The following GRB14 variants were observed in gnomAD, a reference collection of about 807,000 sequenced individuals.
GRB14 encodes growth factor receptor-bound protein 14.
GRB14 carries 38 observed loss-of-function variants against 69.1 expected under a neutral mutation model. The observed-to-expected ratio is 0.55, with a 90% CI of 0.42 to 0.72. The LOEUF (loss-of-function observed/expected upper bound fraction) is 0.72. Ranked by LOEUF, GRB14 falls within the 30% of genes least tolerant of loss-of-function variation. GRB14 has a pLI of 0.00. For synonymous variants in GRB14, 247 were observed against 241.3 expected (o/e 1.02, Z -0.22); for missense variants, 666 against 666.1 (o/e 1.00, Z 0.00).
intron 3 of GRB14, among the ~76,000 whole-genome samples, chr2:164,527,399 A>G (rs1687810657): frequency 1.3e-5 from 2 of 151,618 alleles, no homozygotes; most frequent in Non-Finnish European, 1.5e-5. Flanking sequence ...TGTATAAAAT[A>G]TCATAATGTA....
intron 2 of GRB14, 149 bp from the exon 3 acceptor site, chr2:164,547,965 A>G: frequency 3.7e-6 from 2 of 541,650 alleles, no homozygotes; most frequent in Non-Finnish European, 6.2e-6. Context: ...ACAAATTAAC[A>G]TGTCTATCAC....
At chr2:164,585,085 CTTTTTTTTTTTTTTTTTTTTTTTTTTTT>C (rs146962375) in intron 2 of GRB14, among the ~76,000 whole-genome samples, 5 of 54,386 alleles carry the variant, frequency 9.2e-5, no homozygotes, top group East Asian at 6.5e-4. Flanking sequence ...CCATGCCTGG[CTTTTTTTTTTTTTTTTTTTTTTTTTTTT>C]TTTTTTTTTT....
chr2:164,572,998 C>G (rs757309259), intron 2 of GRB14, among the ~76,000 whole-genome samples: 8 of 152,198 alleles, frequency 5.3e-5, no homozygotes, highest in Non-Finnish European at 7.4e-5. Context: ...CATCATCTCT[C>G]TCAAAGACAT....
At position 164,492,992 on chromosome 2, in the gene GRB14, G is replaced by T; in HGVS notation, c.*44C>A. The T allele has an allele frequency of 4.6e-6, 7 of 1,531,562 alleles. No individual in the cohort carries two copies. The highest frequency in any genetic ancestry group is 2.5e-5 in the South Asian group (2 of 79,938). 94.9% of individuals were successfully genotyped at this position (1,531,562 alleles called of 1,614,324 possible). ...TTTATGGTCTTTTATTATTTTTCTTGAGTCCTTTTCCTTCAATAGTTTAAT... is the reference window on the plus strand; with the variant it reads ...TTTATGGTCTTTTATTATTTTTCTTTAGTCCTTTTCCTTCAATAGTTTAAT... On this transcript the variant is annotated 3_prime_UTR_variant, in exon 14 of 14. Coordinates refer to ENST00000263915, the MANE Select transcript of GRB14 (RefSeq NM_004490.3).
intron 2 of GRB14, among the ~76,000 whole-genome samples, chr2:164,577,770 G>C (rs970345043): frequency 3.3e-5 from 5 of 152,144 alleles, no homozygotes; most frequent in Admixed American, 6.5e-5. Context: ...AGATGCCACT[G>C]AAAATCAATA....
chr2:164,580,525 T>C (rs1439638109), intron 2 of GRB14, among the ~76,000 whole-genome samples: 1 of 151,848 alleles, frequency 6.6e-6, no homozygotes, highest in Non-Finnish European at 1.5e-5. Context: ...GGCAACATGG[T>C]GAAATCCCAT....
Position 164,621,153 on chromosome 2 carries a change from G to C in GRB14, c.157C>G (p.Leu53Val). 1.6e-6 allele frequency: 2 copies of C among 1,245,200 alleles called. No homozygotes were observed. Among genetic ancestry groups the C allele is most frequent in the Non-Finnish European group, 2.0e-6 (2 of 987,964 alleles). 77.1% of individuals were successfully genotyped at this position (1,245,200 alleles called of 1,614,324 possible). A position where few individuals can be genotyped will look rare whatever the true frequency, so the allele number is the denominator to read the frequency against. The change falls in exon 1 of 14, where the codon CTT (leucine) becomes GTT (valine). Residue 53 changes from leucine to valine, a missense_variant. Transcript: ENST00000263915. The surrounding 1 kb of genome is among the most constrained non-coding windows in gnomAD (Gnocchi z 6.0). ...GCACAGCCGCGGGTCCCGTCCGGAA[G>C]GGGCAGGAGCGCTCGCGCGTGCAGC... is the stretch of plus-strand genomic sequence containing the variant. ...PWLHARALLP[L>V]PDGTRGCAAD... is the part of the protein sequence containing the mutation.
chr2:164,613,297 C>T (rs1690209099), intron 2 of GRB14, among the ~76,000 whole-genome samples: 1 of 152,098 alleles, frequency 6.6e-6, no homozygotes, highest in African/African-American at 2.4e-5. Flanking sequence ...AGGACACTAG[C>T]TGCCCCTAGG....
rs575548703 is a variant in GRB14, at chr2:164,494,541, A to T, written c.1383-17T>A. 62 of 1,219,272 alleles carry T rather than the reference A, an allele frequency of 5.1e-5. No homozygotes were observed. In the South Asian group the frequency reaches 7.0e-4, roughly 14 times the overall value. The allele number at this position is 1,219,272 out of a possible 1,614,324, so 75.5% of individuals were successfully genotyped here. A position where few individuals can be genotyped will look rare whatever the true frequency, so the allele number is the denominator to read the frequency against. On this transcript the variant is annotated splice_polypyrimidine_tract_variant and intron_variant, in intron 12 of 13. Transcript: ENST00000263915. ...AAGAAAACTCTAAAGAGAGAGAAGG[A>T]ATTTCAATGTTTCTATATTTACTCA...
intron 2 of GRB14, among the ~76,000 whole-genome samples, chr2:164,554,101 T>C (rs1255996565): frequency 6.6e-6 from 1 of 152,098 alleles, no homozygotes; most frequent in African/African-American, 2.4e-5. Context: ...ACTGCATGAC[T>C]ATATGGGTTA....
At chr2:164,536,680 C>T (rs1459171314) in intron 3 of GRB14, among the ~76,000 whole-genome samples, 1 of 152,118 alleles carries the variant, frequency 6.6e-6, no homozygotes, top group Admixed American at 6.5e-5. Context: ...CCACATCAGT[C>T]TTCAAAGGAA....
chr2:164,525,026 AT>A lies in GRB14; in HGVS notation c.655del (p.Ile219TyrfsTer11). On this transcript the variant is annotated frameshift_variant, in exon 5 of 14. Coordinates refer to ENST00000263915, the MANE Select transcript of GRB14 (RefSeq NM_004490.3). LOFTEE classifies it high-confidence loss of function. The stretch of plus-strand genomic sequence containing the variant: ...TACCTGCAAAATCTGTGTGGGGGAT[AT>A]TTCACCATTGGTTTCAGTTGCAAAA... ...VSFATETNGE[I>X]SPTQILQMFL... The A allele has an allele frequency of 6.3e-7, 1 of 1,588,092 alleles. No homozygotes were observed. Among genetic ancestry groups the A allele is most frequent in the Non-Finnish European group, 8.6e-7 (1 of 1,162,934 alleles).
rs370320589 is a variant in GRB14, at chr2:164,547,648, C to A, written c.481+12G>T. Reference sequence around the variant, plus strand: ...AAAGCAATGATGTGAGACAATAACTCCGTATCCTTACCTACACCTATGTGA... The same window carrying A: ...AAAGCAATGATGTGAGACAATAACTACGTATCCTTACCTACACCTATGTGA... On this transcript the variant is annotated intron_variant, in intron 3 of 13. Coordinates refer to ENST00000263915, the MANE Select transcript of GRB14 (RefSeq NM_004490.3). 1.9e-6 allele frequency: 3 copies of A among 1,606,830 alleles called. No homozygotes were observed. In the African/African-American group the frequency reaches 4.0e-5, roughly 21 times the overall value.
intron 2 of GRB14, among the ~76,000 whole-genome samples, chr2:164,585,660 A>G (rs1689521472): frequency 6.6e-6 from 1 of 152,200 alleles, no homozygotes; most frequent in African/African-American, 2.4e-5. Flanking sequence ...ATATCAAAAC[A>G]TCACATTGTA....
chr2:164,506,974 G>A (rs1309933152), intron 8 of GRB14, among the ~76,000 whole-genome samples: 1 of 152,116 alleles, frequency 6.6e-6, no homozygotes, highest in Non-Finnish European at 1.5e-5. Context: ...TGTGGGAGTA[G>A]CTGCTTAATG....
At chr2:164,546,668 T>C (rs1688384549) in intron 3 of GRB14, among the ~76,000 whole-genome samples, 2 of 152,196 alleles carry the variant, frequency 1.3e-5, no homozygotes, top group Admixed American at 1.3e-4. Context: ...AGACAACCTC[T>C]TACCCCATCT....
intron 2 of GRB14, among the ~76,000 whole-genome samples, chr2:164,552,304 A>G (rs962445797): frequency 6.6e-6 from 1 of 152,238 alleles, no homozygotes; most frequent in African/African-American, 2.4e-5. Flanking sequence ...ATTGTATCAC[A>G]GGAACCTACC....
At chr2:164,513,182 C>T (rs927492530) in intron 6 of GRB14, among the ~76,000 whole-genome samples, 1 of 152,072 alleles carries the variant, frequency 6.6e-6, no homozygotes, top group African/African-American at 2.4e-5. Context: ...CTCTTTCACT[C>T]TCTGTCTCCT....
At chr2:164,547,580 T>C in intron 3 of GRB14, 80 bp downstream of exon 3, 3 of 1,122,084 alleles carry the variant, frequency 2.7e-6, no homozygotes, top group Non-Finnish European at 3.8e-6. Flanking sequence ...ACACCAAATC[T>C]AAGAATTATT....
Sources: gnomAD v4.1 joint callset for allele counts (sites outside exome capture counted in the v4.1 genomes callset) on GRCh38, gnomAD v4.1.1 for gene constraint, Gnocchi (gnomAD v3.1) non-coding constraint, MANE v1.5 for transcripts, NCBI Gene and HGNC (gene_info 2026-07-23, HGNC 2026-07-21) for gene names.